RHOJ: variants seen among roughly 807,000 people sequenced by gnomAD.
The protein encoded by RHOJ is ras homolog family member J.
A neutral mutation model predicts 23.4 loss-of-function variants in RHOJ; 11 were observed. That is an observed-to-expected ratio of 0.47 (90% confidence interval 0.30 to 0.78). The LOEUF (loss-of-function observed/expected upper bound fraction) is 0.78. Ranked by LOEUF, RHOJ falls within the 30% of genes least tolerant of loss-of-function variation. The pLI is 0.08. For missense variants in RHOJ, 254 were observed against 273.4 expected (o/e 0.93, Z 0.50); for synonymous variants, 102 against 102.7 (o/e 0.99, Z 0.04).
chr14:63,206,657 GAA>G (rs1389615465), intron 1 of RHOJ, among the ~76,000 whole-genome samples: 20 of 151,902 alleles, frequency 1.3e-4, no homozygotes, highest in Admixed American at 1.1e-3. Flanking sequence ...ATGGTATCAG[GAA>G]AAAAGAGAAT....
chr14:63,253,043 C>T (rs1484370477), intron 1 of RHOJ, among the ~76,000 whole-genome samples: 1 of 152,114 alleles, frequency 6.6e-6, no homozygotes, highest in Admixed American at 6.5e-5. Flanking sequence ...TCCTTCTAGC[C>T]CTGAATCTGT....
intron 1 of RHOJ, among the ~76,000 whole-genome samples, chr14:63,228,375 T>G (rs1048847933): frequency 6.6e-6 from 1 of 152,218 alleles, no homozygotes; most frequent in African/African-American, 2.4e-5. Flanking sequence ...CTCATACATG[T>G]GCAGAATGAC....
chr14:63,280,510 T>C (rs912955638), intron 2 of RHOJ, among the ~76,000 whole-genome samples: 1 of 152,178 alleles, frequency 6.6e-6, no homozygotes, highest in African/African-American at 2.4e-5. Context: ...ACTGGAAATA[T>C]GCTAAGAGAG....
At chr14:63,234,536 G>C (rs1313999224) in intron 1 of RHOJ, among the ~76,000 whole-genome samples, 1 of 152,160 alleles carries the variant, frequency 6.6e-6, no homozygotes. Context: ...TGATATAAAA[G>C]AGATATGTTT....
chr14:63,250,186 T>G (rs911249739), intron 1 of RHOJ, among the ~76,000 whole-genome samples: 1 of 152,144 alleles, frequency 6.6e-6, no homozygotes, highest in African/African-American at 2.4e-5. Flanking sequence ...CTGCAGGCCA[T>G]TATCTGCTTA....
At chr14:63,244,708 C>T (rs533793958) in intron 1 of RHOJ, among the ~76,000 whole-genome samples, 1 of 152,316 alleles carries the variant, frequency 6.6e-6, no homozygotes, top group African/African-American at 2.4e-5. Flanking sequence ...TATCTCTAAT[C>T]CTTGCAAGAA....
At chr14:63,241,059 A>C (rs2139631468) in intron 1 of RHOJ, among the ~76,000 whole-genome samples, 1 of 152,368 alleles carries the variant, frequency 6.6e-6, no homozygotes, top group East Asian at 1.9e-4. Flanking sequence ...TAAATACCAG[A>C]TAACAAAGAC....
At chr14:63,290,600 T>A (rs911123800) in intron 4 of RHOJ, among the ~76,000 whole-genome samples, 3 of 151,818 alleles carry the variant, frequency 2.0e-5, no homozygotes, top group Admixed American at 1.3e-4. Context: ...TAAATGGCTA[T>A]GGGTCAATTT....
chr14:63,219,003 C>T (rs534671155), intron 1 of RHOJ, among the ~76,000 whole-genome samples: 18 of 152,294 alleles, frequency 1.2e-4, no homozygotes, highest in Non-Finnish European at 2.2e-4. Flanking sequence ...ATAGATATAT[C>T]GCTTCAATGT....
At chr14:63,224,095 G>A (rs1310055849) in intron 1 of RHOJ, among the ~76,000 whole-genome samples, 2 of 152,174 alleles carry the variant, frequency 1.3e-5, no homozygotes, top group African/African-American at 4.8e-5. Flanking sequence ...GCACATGAAA[G>A]TGTTTGTGTG....
intron 1 of RHOJ, among the ~76,000 whole-genome samples, chr14:63,248,647 T>C (rs1362399307): frequency 2.0e-5 from 3 of 152,244 alleles, no homozygotes; most frequent in African/African-American, 4.8e-5. Flanking sequence ...TTCCTCTGTT[T>C]ACCATTCATT....
intron 1 of RHOJ, among the ~76,000 whole-genome samples, chr14:63,222,612 G>A (rs1328080510): frequency 6.6e-6 from 1 of 152,186 alleles, no homozygotes; most frequent in Non-Finnish European, 1.5e-5. Context: ...TGTTGGCTGT[G>A]TAAATGTCTT....
At chr14:63,286,822 A>C (rs1313961132) in intron 4 of RHOJ, among the ~76,000 whole-genome samples, 1 of 152,244 alleles carries the variant, frequency 6.6e-6, no homozygotes, top group African/African-American at 2.4e-5. Context: ...TCTGCATTAT[A>C]GTCTTCAAAG....
chr14:63,233,778 G>A (rs537335593), intron 1 of RHOJ, among the ~76,000 whole-genome samples: 1 of 152,174 alleles, frequency 6.6e-6, no homozygotes, highest in African/African-American at 2.4e-5. Context: ...CTGGCTTCTC[G>A]CTTGGGACTC....
chr14:63,210,324 G>A (rs1348461659), intron 1 of RHOJ, among the ~76,000 whole-genome samples: 11 of 152,180 alleles, frequency 7.2e-5, no homozygotes, highest in Non-Finnish European at 2.9e-5. Flanking sequence ...ACTATATAAT[G>A]TGTAAATATC....
intron 1 of RHOJ, among the ~76,000 whole-genome samples, chr14:63,210,494 G>A (rs1894212147): frequency 6.6e-6 from 1 of 152,182 alleles, no homozygotes; most frequent in Admixed American, 6.5e-5. Context: ...GATGAAGGTG[G>A]GAAAAGTCAC....
chr14:63,227,309 T>C (rs997335341), intron 1 of RHOJ, among the ~76,000 whole-genome samples: 5 of 152,198 alleles, frequency 3.3e-5, no homozygotes, highest in Non-Finnish European at 5.9e-5. Flanking sequence ...ACAAATAAAC[T>C]GTTTTGAATA....
chr14:63,210,201 C>G (rs1289473312), intron 1 of RHOJ, among the ~76,000 whole-genome samples: 1 of 151,998 alleles, frequency 6.6e-6, no homozygotes, highest in African/African-American at 2.4e-5. Flanking sequence ...ACCTCGTGAT[C>G]TGCCCACCTC....
intron 1 of RHOJ, among the ~76,000 whole-genome samples, chr14:63,265,237 T>G (rs10132430): frequency 0.048 from 7,250 of 152,322 alleles, 251 homozygotes; most frequent in Non-Finnish European, 0.059. Flanking sequence ...TTCTTCTGCA[T>G]ATGGCTAGCC....
Sources: allele counts gnomAD v4.1 joint callset (sites outside exome capture counted in the v4.1 genomes callset), GRCh38; gene constraint gnomAD v4.1.1; transcripts MANE v1.5; gene names NCBI Gene and HGNC (gene_info 2026-07-23, HGNC 2026-07-21).